The following FAF2 variants were observed in gnomAD, a reference collection of about 807,000 sequenced individuals.
FAF2 encodes the protein Fas associated factor family member 2, also known as FAS-associated factor 2.
In FAF2, 9 loss-of-function variants were observed where a neutral mutation model predicts 62.3. That is an observed-to-expected ratio of 0.14 (90% CI 0.09 to 0.25). FAF2 has a LOEUF of 0.25. Ranked by LOEUF, FAF2 falls within the 10% of genes least tolerant of loss-of-function variation. The pLI, the probability that FAF2 is intolerant of heterozygous loss-of-function variation, is 1.00. For missense variants in FAF2, 368 were observed against 556.2 expected (o/e 0.66, Z 3.40); for synonymous variants, 202 against 198.0 (o/e 1.02, Z -0.17).
At chr5:176,474,445 CA>C (rs1436872990) in intron 1 of FAF2, among the ~76,000 whole-genome samples, 2 of 148,926 alleles carry the variant, frequency 1.3e-5, no homozygotes, top group Non-Finnish European at 3.0e-5. Context: ...AGTTTCTTAG[CA>C]CCCCCCTTCC....
At position 176,509,960 on chromosome 5, in the gene FAF2, G is replaced by A. The variant is rs758420173; in HGVS notation, c.*3010G>A. The A allele has an allele frequency of 6.5e-6, 1 of 152,770 alleles. No homozygotes were observed. The highest frequency in any genetic ancestry group is 3.4e-3 in the Middle Eastern group (1 of 294). The allele number at this position is 152,770 out of a possible 1,614,324, so 9.5% of individuals were successfully genotyped here. A position where few individuals can be genotyped will look rare whatever the true frequency, so the allele number is the denominator to read the frequency against. ...GATGCAGTGCCCCAACTTGTACTGC[G>A]CCTGAATAGTCATGTGATAATTTAC... On this transcript the variant is annotated 3_prime_UTR_variant, in exon 11 of 11. Coordinates refer to ENST00000261942, the MANE Select transcript of FAF2 (RefSeq NM_014613.3).
chr5:176,469,761 G>T (rs1039146505), intron 1 of FAF2, among the ~76,000 whole-genome samples: 1 of 152,178 alleles, frequency 6.6e-6, no homozygotes, highest in Non-Finnish European at 1.5e-5. Context: ...GGAAGCAGCC[G>T]TAACATCTAT....
chr5:176,466,173 A>G (rs182121582), intron 1 of FAF2, among the ~76,000 whole-genome samples: 72 of 152,324 alleles, frequency 4.7e-4, no homozygotes, highest in African/African-American at 1.7e-3. Context: ...AAGAGTTTAA[A>G]TTACTTTAGA....
intron 9 of FAF2, among the ~76,000 whole-genome samples, 183 bp from the exon 10 acceptor site, chr5:176,499,820 A>G (rs932541534): frequency 2.0e-5 from 3 of 152,198 alleles, no homozygotes; most frequent in Non-Finnish European, 4.4e-5. Flanking sequence ...ATACCTAGAC[A>G]TAATAAAGAA....
intron 10 of FAF2, among the ~76,000 whole-genome samples, chr5:176,501,439 AT>A (rs1012129188): frequency 1.5e-4 from 23 of 152,218 alleles, no homozygotes; most frequent in Admixed American, 2.6e-4. Context: ...ACTGGACAAC[AT>A]TGGGCAAGTT....
intron 1 of FAF2, among the ~76,000 whole-genome samples, chr5:176,449,059 G>A (rs1359814865): frequency 6.6e-6 from 1 of 152,178 alleles, no homozygotes; most frequent in African/African-American, 2.4e-5. Context: ...GTGGTCTGTC[G>A]GGATTTATTA....
At chr5:176,448,541 CCCT>C in intron 1 of FAF2, 71 bp downstream of exon 1, 1 of 1,438,024 alleles carries the variant, frequency 7.0e-7, no homozygotes, top group South Asian at 1.2e-5. Context: ...GAGTTCAGAA[CCCT>C]CCTCAGATTG....
intron 4 of FAF2, among the ~76,000 whole-genome samples, chr5:176,490,701 TC>T (rs1758957867): frequency 6.6e-6 from 1 of 152,166 alleles, no homozygotes; most frequent in South Asian, 2.1e-4. Flanking sequence ...ACTCTTTCCA[TC>T]CCCATTTTAT....
intron 1 of FAF2, among the ~76,000 whole-genome samples, chr5:176,459,708 GTTGTT>G (rs1048915431): frequency 3.3e-5 from 5 of 152,062 alleles, no homozygotes; most frequent in East Asian, 1.9e-4. Flanking sequence ...TGTGGGTGTG[GTTGTT>G]TTGTTTTGTT....
chr5:176,453,507 G>A (rs1048909453), intron 1 of FAF2: 2 of 151,942 alleles, frequency 1.3e-5, no homozygotes, highest in Non-Finnish European at 2.9e-5. Context: ...AAGTCATTTT[G>A]AAAATCTTTC....
chr5:176,499,868 T>C, intron 9 of FAF2, 135 bp from the exon 10 acceptor site: 1 of 995,408 alleles, frequency 1.0e-6, no homozygotes, highest in Admixed American at 2.8e-5. Context: ...TTAGGTTGTT[T>C]TTGACTATTC....
chr5:176,479,310 T>C, intron 2 of FAF2, 54 bp downstream of exon 2: 2 of 1,393,218 alleles, frequency 1.4e-6, no homozygotes, highest in Non-Finnish European at 2.0e-6. Flanking sequence ...TGATTAAGAG[T>C]CAAAACCGTA....
Position 176,502,237 on chromosome 5 carries a change from C to T in FAF2, c.1155+2091C>T, listed in dbSNP as rs182110224. On this transcript the variant is annotated intron_variant, in intron 10 of 10. Coordinates refer to ENST00000261942, the MANE Select transcript of FAF2 (RefSeq NM_014613.3). ...ACTAGCAATTTTGCTATTGTACACA[C>T]GAATTACATGGAATTTCTACCCTAA... 6.6e-5 allele frequency among the ~76,000 whole-genome samples: 10 copies of T among 152,238 alleles called. No individual in the cohort carries two copies. The East Asian group carries it at 1.9e-3, about 29-fold the overall frequency.
intron 1 of FAF2, among the ~76,000 whole-genome samples, chr5:176,468,605 T>C (rs1316166364): frequency 6.6e-6 from 1 of 151,510 alleles, no homozygotes; most frequent in Non-Finnish European, 1.5e-5. Context: ...TAGAAGTAAA[T>C]AGATTCCCTC....
intron 2 of FAF2, among the ~76,000 whole-genome samples, chr5:176,483,752 T>C (rs978994522): frequency 6.6e-6 from 1 of 152,116 alleles, no homozygotes; most frequent in Non-Finnish European, 1.5e-5. Flanking sequence ...AGGGAACATA[T>C]AGATTAAAAG....
In FAF2 at chr5:176,479,265, G is replaced by A; in HGVS notation, c.132+9G>A. 1 of 1,607,606 alleles carries A rather than the reference G, an allele frequency of 6.2e-7. No individual in the cohort carries two copies. The highest frequency in any genetic ancestry group is 8.5e-7 in the Non-Finnish European group (1 of 1,174,114). ...ATAACTGGAACATAGAGGTATAATA[G>A]GATGTGTTCTGAGCTTATTTCTTTT... On this transcript the variant is annotated intron_variant, in intron 2 of 10. Transcript: ENST00000261942.
chr5:176,468,793 A>G (rs1758514037), intron 1 of FAF2, among the ~76,000 whole-genome samples: 2 of 151,914 alleles, frequency 1.3e-5, no homozygotes, highest in African/African-American at 4.8e-5. Flanking sequence ...AACAAAAAAA[A>G]AAAAGGTGGG....
intron 2 of FAF2, among the ~76,000 whole-genome samples, chr5:176,485,425 G>A (rs1758858520): frequency 6.6e-6 from 1 of 152,188 alleles, no homozygotes; most frequent in Non-Finnish European, 1.5e-5. Flanking sequence ...GGGTGTTGCA[G>A]CTGCAACCTA....
chr5:176,489,871 C>T (rs931912944), intron 4 of FAF2, among the ~76,000 whole-genome samples: 1 of 152,134 alleles, frequency 6.6e-6, no homozygotes, highest in Non-Finnish European at 1.5e-5. Context: ...TCACTTTGCT[C>T]TGGCAGCCCC....
Sources: allele counts gnomAD v4.1 joint callset (sites outside exome capture counted in the v4.1 genomes callset), GRCh38; gene constraint gnomAD v4.1.1; transcripts MANE v1.5; gene names NCBI Gene and HGNC (gene_info 2026-07-23, HGNC 2026-07-21).